TRPC6: variants seen among roughly 807,000 people sequenced by gnomAD.
TRPC6 encodes short transient receptor potential channel 6.
Under a neutral mutation model 90.7 loss-of-function variants are expected in TRPC6, and 55 were observed. The ratio of observed to expected loss-of-function variants is 0.61; its 90% CI spans 0.49 to 0.76. The LOEUF (loss-of-function observed/expected upper bound fraction) is 0.76, where lower values mean the gene tolerates loss of function less well. Ranked by LOEUF, TRPC6 falls within the 30% of genes least tolerant of loss-of-function variation. The pLI is 0.00. For missense variants in TRPC6, 989 were observed against 1,122.7 expected (o/e 0.88, Z 1.70); for synonymous variants, 393 against 393.0 (o/e 1.00, Z 0.00).
At chr11:101,526,416 T>G (rs1860780721) in intron 1 of TRPC6, among the ~76,000 whole-genome samples, 1 of 152,224 alleles carries the variant, frequency 6.6e-6, no homozygotes, top group South Asian at 2.1e-4. Context: ...TTGGCATAGT[T>G]TAGTTTCTCT....
intron 9 of TRPC6, among the ~76,000 whole-genome samples, chr11:101,470,963 T>C (rs114417096): frequency 1.6e-4 from 24 of 152,208 alleles, no homozygotes; most frequent in African/African-American, 5.8e-4. Flanking sequence ...TTATTTTAGT[T>C]ATATTTCATG....
intron 1 of TRPC6, among the ~76,000 whole-genome samples, chr11:101,514,039 TGCA>T (rs1860459481): frequency 6.6e-6 from 1 of 152,214 alleles, no homozygotes; most frequent in African/African-American, 2.4e-5. Context: ...GGCAGGACCA[TGCA>T]GCACATAGCT....
Position 101,504,262 on chromosome 11 carries a change from T to A in TRPC6, c.707A>T (p.His236Leu). The A allele has an allele frequency of 6.2e-7, 1 of 1,613,620 alleles. No homozygotes were observed. The highest frequency in any genetic ancestry group is 1.1e-5 in the South Asian group (1 of 91,084). The part of the protein sequence containing the change: ...AAHCQEYEIV[H>L]TLLRKGARIE... ...CCTAGCACCCTTCCGCAGGAGGGTA[T>A]GCACAATTTCATATTCCTGGCAGTG... The change falls in exon 2 of 13, where the codon CAT becomes CTT. Residue 236 changes from histidine to leucine, a missense_variant. His to Leu is a moderately conservative substitution (Grantham distance 99). This residue lies in a region of TRPC6 where 486 missense variants were observed against 591.9 expected (regional missense o/e 0.82). Coordinates refer to ENST00000344327, the MANE Select transcript of TRPC6 (RefSeq NM_004621.6).
chr11:101,494,633 A>T (rs1859902044), intron 2 of TRPC6, among the ~76,000 whole-genome samples: 1 of 152,186 alleles, frequency 6.6e-6, no homozygotes, highest in Non-Finnish European at 1.5e-5. Flanking sequence ...AATTCTAAGA[A>T]AGCTCAGATA....
chr11:101,532,653 C>T (rs1860934059), intron 1 of TRPC6, among the ~76,000 whole-genome samples: 2 of 152,182 alleles, frequency 1.3e-5, no homozygotes, highest in Non-Finnish European at 2.9e-5. Context: ...AAAAGTGTGA[C>T]TCCAGCCCTC....
chr11:101,530,703 A>T (rs1013008510), intron 1 of TRPC6, among the ~76,000 whole-genome samples: 2 of 152,154 alleles, frequency 1.3e-5, no homozygotes, highest in Admixed American at 1.3e-4. Flanking sequence ...CAGGGACCAA[A>T]CAATATTCAC....
At chr11:101,487,369 C>T (rs529214499) in intron 4 of TRPC6, among the ~76,000 whole-genome samples, 2 of 152,082 alleles carry the variant, frequency 1.3e-5, no homozygotes, top group African/African-American at 4.8e-5. Flanking sequence ...CTAGGGAGGA[C>T]AATTTAGAAA....
At chr11:101,483,194 T>G (rs200716798) in intron 4 of TRPC6, 29 bp from the exon 5 acceptor site, 2 of 1,612,336 alleles carry the variant, frequency 1.2e-6, no homozygotes, top group Non-Finnish European at 1.7e-6. Context: ...AAATAAAATC[T>G]TAACTTTGTT....
intron 1 of TRPC6, among the ~76,000 whole-genome samples, chr11:101,550,846 A>G (rs1861433461): frequency 6.6e-6 from 1 of 151,806 alleles, no homozygotes; most frequent in African/African-American, 2.4e-5. Context: ...TAAAAATAAT[A>G]TATGTGCTTA....
rs561779793 is a variant in TRPC6, at chr11:101,479,314, C to T, written c.1511-2780G>A. Among the ~76,000 whole-genome samples the T allele has an allele frequency of 3.3e-5, 5 of 152,302 alleles. No individual in the cohort carries two copies. The South Asian group carries it at 8.3e-4, about 25-fold the overall frequency. On this transcript the variant is annotated intron_variant, in intron 5 of 12. Transcript: ENST00000344327. ...TGCTTTCTCAGCAGCTCAGACTGGC[C>T]GTTAAGTGACAAGTGCTCCTAAGGC...
At chr11:101,469,236 T>A (rs2136665032) in intron 10 of TRPC6, among the ~76,000 whole-genome samples, 191 bp downstream of exon 10, 1 of 152,364 alleles carries the variant, frequency 6.6e-6, no homozygotes, top group South Asian at 2.1e-4. Context: ...TACATGCTAT[T>A]CTTTTTTGCT....
chr11:101,520,631 A>C (rs1161156908), intron 1 of TRPC6, among the ~76,000 whole-genome samples: 1 of 152,186 alleles, frequency 6.6e-6, no homozygotes, highest in African/African-American at 2.4e-5. Flanking sequence ...GAAGATGAGG[A>C]AAGATTTGGA....
At chr11:101,499,912 C>A (rs1860063891) in intron 2 of TRPC6, among the ~76,000 whole-genome samples, 1 of 103,454 alleles carries the variant, frequency 9.7e-6, no homozygotes, top group Admixed American at 1.0e-4. Flanking sequence ...TATATATATA[C>A]ACAGTATAAA....
At chr11:101,574,658 T>A (rs2136894661) in intron 1 of TRPC6, among the ~76,000 whole-genome samples, 1 of 151,548 alleles carries the variant, frequency 6.6e-6, no homozygotes, top group Non-Finnish European at 1.5e-5. Flanking sequence ...GGGATTTTCT[T>A]ACTGCCCAGG....
At chr11:101,550,591 T>A (rs1299997499) in intron 1 of TRPC6, among the ~76,000 whole-genome samples, 1 of 151,744 alleles carries the variant, frequency 6.6e-6, no homozygotes, top group African/African-American at 2.4e-5. Flanking sequence ...CAGCAAAATC[T>A]GTAACATTTG....
In TRPC6 at chr11:101,554,408, TA is replaced by T. The variant is rs34328477; in HGVS notation, c.170+28925del. 4.5e-3 allele frequency among the ~76,000 whole-genome samples: 679 copies of T among 149,322 alleles called. 6 individuals are homozygous for T. Among genetic ancestry groups the T allele is most frequent in the African/African-American group, 0.015 (596 of 40,844 alleles). On this transcript the variant is annotated intron_variant, in intron 1 of 12. Coordinates refer to ENST00000344327, the MANE Select transcript of TRPC6 (RefSeq NM_004621.6). ...AGCTTATTTCAAAGTAGAGCAATAG[TA>T]AAAAAAAAAAATTAACCTGTTAAGA... is the stretch of plus-strand genomic sequence containing the variant.
At chr11:101,458,371 C>T (rs1363554263) in intron 10 of TRPC6, among the ~76,000 whole-genome samples, 1 of 152,166 alleles carries the variant, frequency 6.6e-6, no homozygotes, top group Non-Finnish European at 1.5e-5. Context: ...AGCATTATAA[C>T]CTCCTAAGCT....
intron 1 of TRPC6, among the ~76,000 whole-genome samples, chr11:101,508,567 G>A (rs1860325798): frequency 1.3e-5 from 2 of 151,974 alleles, no homozygotes; most frequent in South Asian, 4.2e-4. Flanking sequence ...ACCTCTTTAG[G>A]CTTTCACTTC....
At chr11:101,552,759 T>C (rs1213216436) in intron 1 of TRPC6, among the ~76,000 whole-genome samples, 1 of 152,140 alleles carries the variant, frequency 6.6e-6, no homozygotes, top group Admixed American at 6.6e-5. Context: ...ATTTTTCAAT[T>C]GGTACTAAAT....
Sources: gnomAD v4.1 joint callset for allele counts (sites outside exome capture counted in the v4.1 genomes callset) on GRCh38, gnomAD v4.1.1 for gene constraint, gnomAD v4.1.1 regional missense constraint, MANE v1.5 for transcripts, NCBI Gene and HGNC (gene_info 2026-07-23, HGNC 2026-07-21) for gene names.